The following PIEZO1 variants were observed in gnomAD, a reference collection of about 807,000 sequenced individuals.
PIEZO1 encodes piezo type mechanosensitive ion channel component 1 (Er blood group), also known as piezo-type mechanosensitive ion channel component 1.
PIEZO1 carries 296 observed loss-of-function variants against 297.2 expected under a neutral mutation model. The observed-to-expected ratio is 1.00, with a 90% confidence interval of 0.91 to 1.10. The LOEUF (loss-of-function observed/expected upper bound fraction) is 1.10, where lower values mean the gene tolerates loss of function less well. Among genes scored for constraint, PIEZO1 ranks in the 50% least tolerant of loss-of-function variants. The pLI is 0.00. For synonymous variants in PIEZO1, 2,427 were observed against 1,507.5 expected (o/e 1.61, Z -14.13); for missense variants, 5,018 against 3,455.5 (o/e 1.45, Z -11.34).
chr16:88,741,710 G>A (rs1215093183), intron 4 of PIEZO1, 94 bp from the exon 5 acceptor site: 1 of 816,070 alleles, frequency 1.2e-6, no homozygotes. Context: ...GAGTGTGGAT[G>A]GGTCTCCAGG....
rs1428952289 is a variant in PIEZO1, at chr16:88,722,264, G to A, written c.4909C>T (p.Leu1637=). Residue 1637 remains leucine (L), a synonymous_variant, in exon 36 of 51, where the codon CTG becomes TTG. Coordinates refer to ENST00000301015, the MANE Select transcript of PIEZO1 (RefSeq NM_001142864.4). ...DPGEREAGAS[L]YQGLMRTASE... is the part of the protein sequence containing the mutation. ...GCCGTCCGCATCAGTCCCTGGTACA[G>A]AGAGGCACCAGCCTCACGCTCCCCG... 1.7e-5 allele frequency: 27 copies of A among 1,548,388 alleles called. No individual in the cohort carries two copies. Among genetic ancestry groups the A allele is most frequent in the Non-Finnish European group, 2.3e-5 (26 of 1,146,828 alleles).
intron 19 of PIEZO1, 155 bp downstream of exon 19, chr16:88,733,123 G>A: frequency 1.5e-6 from 1 of 680,770 alleles, no homozygotes; most frequent in South Asian, 1.9e-5. Flanking sequence ...GTCGAAGGAT[G>A]CTGCCTCCAG....
At chr16:88,733,506 G>GGGGCT in intron 18 of PIEZO1, 52 bp from the exon 19 acceptor site, 1 of 1,531,788 alleles carries the variant, frequency 6.5e-7, no homozygotes, top group Non-Finnish European at 8.8e-7. Flanking sequence ...GTGGGCACGT[G>GGGGCT]GGGCTGGGCT....
Position 88,738,261 on chromosome 16 carries a change from G to A in PIEZO1, c.814C>T (p.Gln272Ter). 5 of 1,535,872 alleles carry A rather than the reference G, an allele frequency of 3.3e-6. No individual in the cohort carries two copies. The highest frequency in any genetic ancestry group is 4.4e-6 in the Non-Finnish European group (5 of 1,146,842). ...CLYCYQMPLA[Q>*]ALLPPAGIWA... ...ATGCCGGCAGGCGGGAGCAGAGCCT[G>A]TGCCAAGGGCATCTGGTAGCAGTAG... Residue 272 changes from glutamine to a stop codon, truncating the protein, a stop_gained, in exon 7 of 51, where the codon CAG becomes TAG. Transcript: ENST00000301015. LOFTEE classifies it high-confidence loss of function.
intron 10 of PIEZO1, chr16:88,736,981 G>T (rs552243212): frequency 4.7e-6 from 2 of 421,072 alleles, no homozygotes; most frequent in African/African-American, 2.1e-5. Context: ...GGGAAAGGTG[G>T]CCCTGACCCC....
chr16:88,778,421 G>A (rs184340948), intron 1 of PIEZO1, among the ~76,000 whole-genome samples: 96 of 152,300 alleles, frequency 6.3e-4, no homozygotes, highest in African/African-American at 2.3e-3. Context: ...GTAAACAGCC[G>A]GCAGCCAAAC....
chr16:88,737,112 G>T (rs769811287), intron 10 of PIEZO1: 1 of 236,356 alleles, frequency 4.2e-6, no homozygotes, highest in Non-Finnish European at 8.2e-6. Flanking sequence ...AAGAAAGAAA[G>T]TAGCCAGAAA....
In PIEZO1 at chr16:88,724,395, G is replaced by A. The variant is rs1470032453; in HGVS notation, c.4235-424C>T. Among the ~76,000 whole-genome samples the A allele has an allele frequency of 1.3e-5, 2 of 152,180 alleles. 1 individual carries two copies. The highest frequency in any genetic ancestry group is 1.3e-4 in the Admixed American group (2 of 15,282). ...AAAATACGAAAATTAGCTGGGCGTG[G>A]TGGCGGGCACCTGTAATCCCAGCTA... On this transcript the variant is annotated intron_variant, in intron 30 of 50. Transcript: ENST00000301015.
chr16:88,766,078 G>A (rs941234519), intron 1 of PIEZO1, among the ~76,000 whole-genome samples: 17 of 152,216 alleles, frequency 1.1e-4, no homozygotes, highest in South Asian at 2.1e-4. Flanking sequence ...CGTGGGTGCC[G>A]TGGTCACGCC....
In PIEZO1 at chr16:88,732,524, T is replaced by C. The variant is rs993433284; in HGVS notation, c.2802A>G (p.Gln934=). 2.2e-5 allele frequency: 34 copies of C among 1,546,700 alleles called. No homozygotes were observed. In the African/African-American group the frequency reaches 2.3e-4, roughly 11 times the overall value. Reference sequence around the variant, plus strand: ...CCTCGAATACCAGCAGCAGCAGCACTTGCAGGTGGTTCTGCGGAGGGCAAG... The same window carrying C: ...CCTCGAATACCAGCAGCAGCAGCACCTGCAGGTGGTTCTGCGGAGGGCAAG... ...PNLGYIQNHL[Q]VLLLLVFEAI... is the part of the protein sequence containing the mutation. Residue 934 remains glutamine, a synonymous_variant, in exon 21 of 51, where the codon CAA becomes CAG. Transcript: ENST00000301015.
At chr16:88,741,675 T>C (rs1333792921) in intron 4 of PIEZO1, 59 bp from the exon 5 acceptor site, 2 of 1,476,386 alleles carry the variant, frequency 1.4e-6, no homozygotes, top group African/African-American at 1.5e-5. Flanking sequence ...GGTGTGAGTG[T>C]GGATGGGTCT....
chr16:88,778,227 G>T (rs549147155), intron 1 of PIEZO1, among the ~76,000 whole-genome samples: 6 of 152,266 alleles, frequency 3.9e-5, no homozygotes, highest in African/African-American at 1.4e-4. Flanking sequence ...GTAGAGCTGT[G>T]GCACCGAGAG....
At chr16:88,742,160 C>T (rs1260600489) in intron 3 of PIEZO1, 65 bp from the exon 4 acceptor site, 25 of 1,526,896 alleles carry the variant, frequency 1.6e-5, no homozygotes, top group Admixed American at 2.0e-5. Context: ...CCTGGTCATC[C>T]CTGGAGCGTT....
rs574402639 is a variant in PIEZO1 at position 88,737,953 on chromosome 16, G to C, written c.1001C>G (p.Ala334Gly). 6.5e-7 allele frequency: 1 copy of C among 1,532,036 alleles called. No homozygotes were observed. Among genetic ancestry groups the C allele is most frequent in the East Asian group, 2.4e-5 (1 of 40,858 alleles). 94.9% of individuals were successfully genotyped at this position (1,532,036 alleles called of 1,614,324 possible). ...GCTCACCTGGCCGGAGGGGCGGTAC[G>C]CGCGGAGCTTGCGCAGAGAGGCCGT... Reference protein sequence around the residue: ...YATASLRKLRAYRPSGQRKEA... With the variant: ...YATASLRKLRGYRPSGQRKEA... The change falls in exon 8 of 51, where the codon GCG (alanine) becomes GGG (glycine). Residue 334 changes from alanine to glycine, a missense_variant. Ala to Gly is a moderately conservative substitution (Grantham distance 60). Coordinates refer to ENST00000301015, the MANE Select transcript of PIEZO1 (RefSeq NM_001142864.4).
chr16:88,750,551 C>A (rs1054717697), intron 1 of PIEZO1, among the ~76,000 whole-genome samples: 6 of 152,238 alleles, frequency 3.9e-5, no homozygotes, highest in African/African-American at 1.4e-4. Context: ...TCCTGAGAGT[C>A]CGGCCAGTGC....
At chr16:88,747,610 G>C (rs1906132346) in intron 2 of PIEZO1, among the ~76,000 whole-genome samples, 2 of 152,236 alleles carry the variant, frequency 1.3e-5, no homozygotes, top group Non-Finnish European at 2.9e-5. Flanking sequence ...CGCGAGGCCG[G>C]AGAGCGACCT....
At chr16:88,725,379 C>T (rs1904347992) in intron 29 of PIEZO1, 37 bp downstream of exon 29, 2 of 1,231,270 alleles carry the variant, frequency 1.6e-6, no homozygotes, top group Non-Finnish European at 2.2e-6. Context: ...ACATGCTGGA[C>T]ACGGGGCCCT....
In PIEZO1 at chr16:88,734,008, C is replaced by T. The variant is rs947472326; in HGVS notation, c.2227G>A (p.Glu743Lys). The T allele has an allele frequency of 6.5e-6, 10 of 1,547,740 alleles. No individual in the cohort carries two copies. Among genetic ancestry groups the T allele is most frequent in the African/African-American group, 1.4e-5 (1 of 72,980 alleles). The change falls in exon 17 of 51, where the codon GAG (glutamate) becomes AAG (lysine). Residue 743 changes from glutamate to lysine, a missense_variant. Physicochemically the swap from Glu to Lys is moderately conservative, Grantham distance 56. Transcript: ENST00000301015. ...TCCTCCTGCTGCTGCTGCTGATGCT[C>T]CTGCTGCTCCTCCCGCAGCAGTGGG... ...GTPLLREEQQ[E>K]HQQQQQEEEE...
rs140450778 is a variant in PIEZO1 at position 88,731,639 on chromosome 16, G to A, written c.3196+67C>T. ...GGTGGACAGGAGTCTGGGGCAGGCG[G>A]GAAACACCCCCACGGGCATCCACAA... On this transcript the variant is annotated intron_variant, in intron 22 of 50. Transcript: ENST00000301015. The A allele has an allele frequency of 5.8e-5, 76 of 1,301,526 alleles. No homozygotes were observed. The East Asian group carries it at 1.9e-3, about 33-fold the overall frequency. The allele number at this position is 1,301,526 out of a possible 1,614,324, so 80.6% of individuals were successfully genotyped here.
Sources: allele counts gnomAD v4.1 joint callset (sites outside exome capture counted in the v4.1 genomes callset), GRCh38; gene constraint gnomAD v4.1.1; transcripts MANE v1.5; gene names NCBI Gene and HGNC (gene_info 2026-07-23, HGNC 2026-07-21).